The following MOB4 variants were observed in gnomAD, a reference collection of about 807,000 sequenced individuals.
MOB4 encodes MOB-like protein phocein.
A neutral mutation model predicts 32.2 loss-of-function variants in MOB4; 4 were observed. That is an observed-to-expected ratio of 0.12 (90% CI 0.06 to 0.28). MOB4 has a LOEUF of 0.28. MOB4 is among the 10% of genes least tolerant of loss of function. The pLI, the probability that MOB4 is intolerant of heterozygous loss-of-function variation, is 1.00. For synonymous variants in MOB4, 88 were observed against 88.1 expected, an observed-to-expected ratio of 1.00 and a Z score of 0.01; for missense variants, 158 against 271.2, an observed-to-expected ratio of 0.58 and a Z score of 2.93.
At chr2:197,523,884 C>G (rs1011741902) in intron 2 of MOB4, among the ~76,000 whole-genome samples, 198 bp downstream of exon 2, 4 of 152,156 alleles carry the variant, frequency 2.6e-5, no homozygotes, top group African/African-American at 9.7e-5. Context: ...GTTAAGTATT[C>G]TTATATCTTT....
At chr2:197,550,121 A>C (rs747511455) in intron 6 of MOB4, among the ~76,000 whole-genome samples, 154 bp from the exon 7 acceptor site, 4 of 152,198 alleles carry the variant, frequency 2.6e-5, no homozygotes, top group African/African-American at 4.8e-5. Context: ...ACTGAGGAGC[A>C]GGGGCTCCAG....
At chr2:197,547,893 A>G (rs933714861) in intron 5 of MOB4, among the ~76,000 whole-genome samples, 2 of 152,194 alleles carry the variant, frequency 1.3e-5, no homozygotes, top group Admixed American at 1.3e-4. Flanking sequence ...CAGATTTATT[A>G]AAATATAAGG....
In MOB4 at chr2:197,553,669, C is replaced by T. The variant is rs539713230; in HGVS notation, c.*3023C>T. 4 of 152,134 alleles carry T rather than the reference C, an allele frequency of 2.6e-5. No individual in the cohort carries two copies. The highest frequency in any genetic ancestry group is 2.1e-4 in the South Asian group (1 of 4,818). 9.4% of individuals were successfully genotyped at this position (152,134 alleles called of 1,614,324 possible). On this transcript the variant is annotated 3_prime_UTR_variant, in exon 8 of 8. Transcript: ENST00000323303. ...CTTTGTGTAGTTCTTCCATGCTATG[C>T]GAATATTTTAGTAAAAGTAGTTGAT...
At chr2:197,543,926 G>C (rs940074043) in intron 5 of MOB4, among the ~76,000 whole-genome samples, 2 of 152,110 alleles carry the variant, frequency 1.3e-5, no homozygotes, top group East Asian at 3.9e-4. Context: ...TTTTAGTAGT[G>C]ACATGGTTTC....
In MOB4 at chr2:197,552,772, A is replaced by G. The variant is rs2087118497; in HGVS notation, c.*2126A>G. On this transcript the variant is annotated 3_prime_UTR_variant, in exon 8 of 8. Coordinates refer to ENST00000323303, the MANE Select transcript of MOB4 (RefSeq NM_015387.5). ...TTTGAAAATGTACTTATATATACAT[A>G]AATACTACTAAAAAATTAATGAGCC... 1 of 152,308 alleles carries G rather than the reference A, an allele frequency of 6.6e-6. No homozygotes were observed. The highest frequency in any genetic ancestry group is 1.5e-5 in the Non-Finnish European group (1 of 68,022). 9.4% of individuals were successfully genotyped at this position (152,308 alleles called of 1,614,324 possible).
chr2:197,515,773 G>C, upstream of MOB4: 2 of 448,194 alleles, frequency 4.5e-6, 1 homozygote, highest in Non-Finnish European at 8.0e-6. Context: ...ACGCAGCCGT[G>C]CACACTGCCG....
chr2:197,515,955 G>C (rs899926800), upstream of MOB4: 8 of 925,560 alleles, frequency 8.6e-6, no homozygotes, highest in South Asian at 8.2e-5. Flanking sequence ...GACGGCTCCC[G>C]GCGCAGGCTG....
At chr2:197,535,274 C>G (rs1317879161) in intron 2 of MOB4, among the ~76,000 whole-genome samples, 3 of 151,070 alleles carry the variant, frequency 2.0e-5, no homozygotes, top group African/African-American at 7.3e-5. Flanking sequence ...GATCCAAGTT[C>G]CAGTCCTGAC....
intron 3 of MOB4, among the ~76,000 whole-genome samples, chr2:197,538,988 CAGTA>C (rs1235743325): frequency 6.6e-6 from 1 of 152,136 alleles, no homozygotes; most frequent in African/African-American, 2.4e-5. Flanking sequence ...TTACAATGTG[CAGTA>C]AGTAAGTAAA....
Position 197,522,278 on chromosome 2 carries a change from G to A in MOB4, c.61-1346G>A, listed in dbSNP as rs1309202306. Among the ~76,000 whole-genome samples the A allele has an allele frequency of 2.1e-5, 3 of 145,974 alleles. No individual in the cohort carries two copies. In the East Asian group the frequency reaches 6.1e-4, roughly 30 times the overall value. On this transcript the variant is annotated intron_variant, in intron 1 of 7. Coordinates refer to ENST00000323303, the MANE Select transcript of MOB4 (RefSeq NM_015387.5). ...ACCCTATTGTGCTAGCAAATACTAG[G>A]TCTTATTCATTCTTTCTATTTTTTT...
intron 1 of MOB4, among the ~76,000 whole-genome samples, chr2:197,518,765 T>A (rs899420281): frequency 2.2e-4 from 34 of 152,074 alleles, no homozygotes; most frequent in African/African-American, 7.9e-4. Flanking sequence ...TATTTTATTT[T>A]ATTTTTTGAG....
chr2:197,545,407 AT>A (rs1249428937), intron 5 of MOB4, among the ~76,000 whole-genome samples: 2 of 152,110 alleles, frequency 1.3e-5, no homozygotes, highest in South Asian at 2.1e-4. Flanking sequence ...AATTTGTATT[AT>A]TTTTTATTGT....
rs2086784469 is a variant in MOB4, at chr2:197,535,637, C to T, written c.224+7C>T. ...GGAAGTATGAACATTTAAGGTAGGA[C>T]CTTACATCAAAATACTAATAGTACC... On this transcript the variant is annotated splice_region_variant and intron_variant, in intron 3 of 7. Coordinates refer to ENST00000323303, the MANE Select transcript of MOB4 (RefSeq NM_015387.5). 1.9e-6 allele frequency: 3 copies of T among 1,600,094 alleles called. No homozygotes were observed. The highest frequency in any genetic ancestry group is 1.1e-5 in the South Asian group (1 of 87,456).
At position 197,522,861 on chromosome 2, in the gene MOB4, A is replaced by C. The variant is rs546289319; in HGVS notation, c.61-763A>C. ...GAAACCCTGTCTCTACAAAAAATAC[A>C]AAAATTAGCTGGGTGTGGTGGTGCG... On this transcript the variant is annotated intron_variant, in intron 1 of 7. Coordinates refer to ENST00000323303, the MANE Select transcript of MOB4 (RefSeq NM_015387.5). Among the ~76,000 whole-genome samples, 651 of 151,998 alleles carry C rather than the reference A, an allele frequency of 4.3e-3. 3 individuals are homozygous for C. The highest frequency in any genetic ancestry group is 0.015 in the African/African-American group (624 of 41,484).
At position 197,553,191 on chromosome 2, in the gene MOB4, T is replaced by C. The variant is rs1314575785; in HGVS notation, c.*2545T>C. On this transcript the variant is annotated 3_prime_UTR_variant, in exon 8 of 8. Coordinates refer to ENST00000323303, the MANE Select transcript of MOB4 (RefSeq NM_015387.5). The stretch of plus-strand genomic sequence containing the variant: ...GCTCACGCCTGTAATCCCAGCACTT[T>C]GGGAAGCCAAGGCAGACAGATCACC... The C allele has an allele frequency of 6.6e-6, 1 of 152,230 alleles. No individual in the cohort carries two copies. Among genetic ancestry groups the C allele is most frequent in the African/African-American group, 2.4e-5 (1 of 41,448 alleles). 9.4% of individuals were successfully genotyped at this position (152,230 alleles called of 1,614,324 possible).
At chr2:197,535,749 G>A in intron 3 of MOB4, 119 bp downstream of exon 3, 3 of 1,159,058 alleles carry the variant, frequency 2.6e-6, no homozygotes, top group Non-Finnish European at 3.7e-6. Flanking sequence ...AAATTTTAAA[G>A]CTTTGGCATT....
intron 1 of MOB4, among the ~76,000 whole-genome samples, chr2:197,523,068 A>G (rs1453897094): frequency 6.6e-6 from 1 of 152,004 alleles, no homozygotes; most frequent in Admixed American, 6.6e-5. Context: ...TACTAATGCT[A>G]GATATTCTCT....
intron 3 of MOB4, among the ~76,000 whole-genome samples, chr2:197,535,899 C>CTTTTTT (rs1319135434): frequency 2.7e-4 from 35 of 129,242 alleles, no homozygotes; most frequent in African/African-American, 3.7e-4. Context: ...CTTTTCTTTT[C>CTTTTTT]TTTTTTTTTT....
At chr2:197,524,180 G>A (rs2086568775) in intron 2 of MOB4, among the ~76,000 whole-genome samples, 1 of 152,128 alleles carries the variant, frequency 6.6e-6, no homozygotes, top group Non-Finnish European at 1.5e-5. Context: ...GGTCTAATGA[G>A]CTATGATTGT....
Sources: allele counts gnomAD v4.1 joint callset (sites outside exome capture counted in the v4.1 genomes callset), GRCh38; gene constraint gnomAD v4.1.1; transcripts MANE v1.5; gene names NCBI Gene and HGNC (gene_info 2026-07-23, HGNC 2026-07-21).